GET1: variants seen among roughly 807,000 people sequenced by gnomAD.
GET1 encodes the protein congenital heart disease 5 protein.
Under a neutral mutation model 22.6 loss-of-function variants are expected in GET1, and 20 were observed. The observed-to-expected ratio is 0.89, with a 90% confidence interval of 0.62 to 1.29. The LOEUF is 1.29. Among genes scored for constraint, GET1 ranks in the 50% most tolerant of loss-of-function variants. The pLI is 0.00. For synonymous variants in GET1, 92 were observed against 83.8 expected (o/e 1.10, Z -0.53); for missense variants, 209 against 219.9 (o/e 0.95, Z 0.31).
intron 4 of GET1, 44 bp from the exon 5 acceptor site, chr21:39,396,822 G>C: frequency 2.6e-6 from 4 of 1,556,068 alleles, no homozygotes; most frequent in Non-Finnish European, 3.5e-6. Context: ...GATGGGGGCA[G>C]CACTGCTGGT....
At chr21:39,416,491 A>G (rs1178359697) in intron 1 of GET1, among the ~76,000 whole-genome samples, 1 of 152,118 alleles carries the variant, frequency 6.6e-6, no homozygotes, top group African/African-American at 2.4e-5. Context: ...CCAGACCTAG[A>G]ATTTTTTTAG....
intron 1 of GET1, among the ~76,000 whole-genome samples, chr21:39,427,163 C>T (rs1166230286): frequency 6.6e-6 from 1 of 152,150 alleles, no homozygotes; most frequent in Non-Finnish European, 1.5e-5. Context: ...CCTTTATTGT[C>T]CTCCTGTTGA....
intron 4 of GET1, among the ~76,000 whole-genome samples, chr21:39,396,602 G>A (rs1400770695): frequency 2.7e-5 from 4 of 150,190 alleles, no homozygotes; most frequent in Non-Finnish European, 4.4e-5. Flanking sequence ...CAGGAGAATC[G>A]CTTGAGCCCG....
chr21:39,423,095 C>CT, intron 1 of GET1: 1 of 1,613,956 alleles, frequency 6.2e-7, no homozygotes, highest in Non-Finnish European at 8.5e-7. Context: ...TGCAAGATAT[C>CT]TTTAGTCTTC....
At chr21:39,395,520 C>G (rs563223623) in intron 4 of GET1, among the ~76,000 whole-genome samples, 1 of 152,016 alleles carries the variant, frequency 6.6e-6, no homozygotes, top group Admixed American at 6.6e-5. Flanking sequence ...GCCCACCACA[C>G]GCCCGACTAG....
intron 4 of GET1, among the ~76,000 whole-genome samples, chr21:39,393,489 C>T (rs2038441389): frequency 6.6e-6 from 1 of 152,148 alleles, no homozygotes; most frequent in African/African-American, 2.4e-5. Flanking sequence ...TGTTAAGGAG[C>T]AAAGCTAGGA....
At chr21:39,398,052 AAC>A (rs1357334799), downstream of GET1, among the ~76,000 whole-genome samples, 1 of 152,156 alleles carries the variant, frequency 6.6e-6, no homozygotes, top group Non-Finnish European at 1.5e-5. Flanking sequence ...CACTTACTCA[AAC>A]ACACATGCAC....
chr21:39,386,753 A>G (rs1251555639), intron 1 of GET1, among the ~76,000 whole-genome samples: 7 of 152,330 alleles, frequency 4.6e-5, no homozygotes, highest in East Asian at 1.9e-4. Context: ...TTAGATTCAT[A>G]TTAAATCTTA....
At position 39,397,045 on chromosome 21, in the gene GET1, T is replaced by A; in HGVS notation, c.*106T>A. ...TTTTAAGAAACAAAAGTGCATAGTT[T>A]AGATTTTTTTTTTGTTGAATATGTT... On this transcript the variant is annotated 3_prime_UTR_variant, in exon 5 of 5. Coordinates refer to ENST00000649170, the MANE Select transcript of GET1 (RefSeq NM_004627.6). 1 of 1,249,618 alleles carries A rather than the reference T, an allele frequency of 8.0e-7. No individual in the cohort carries two copies. Among genetic ancestry groups the A allele is most frequent in the Non-Finnish European group, 1.1e-6 (1 of 886,554 alleles). 77.4% of individuals were successfully genotyped at this position (1,249,618 alleles called of 1,614,324 possible).
At chr21:39,383,340 G>A (rs1287659353) in intron 1 of GET1, among the ~76,000 whole-genome samples, 2 of 146,654 alleles carry the variant, frequency 1.4e-5, no homozygotes, top group Non-Finnish European at 3.0e-5. Flanking sequence ...GGAGTGCAAT[G>A]GCGCAATCTC....
At chr21:39,380,665 A>G in intron 1 of GET1, 179 bp downstream of exon 1, 1 of 1,416,286 alleles carries the variant, frequency 7.1e-7, no homozygotes, top group African/African-American at 1.4e-5. Flanking sequence ...CTTTACCCCA[A>G]AATCAGACTT....
At chr21:39,391,894 C>A (rs757537205) in intron 3 of GET1, 58 bp downstream of exon 3, 6 of 1,563,066 alleles carry the variant, frequency 3.8e-6, no homozygotes, top group Non-Finnish European at 5.3e-6. Context: ...GCCTCCAGAG[C>A]CGTGTCTGCA....
intron 1 of GET1, among the ~76,000 whole-genome samples, chr21:39,383,369 C>T (rs1019816875): frequency 2.0e-5 from 3 of 151,882 alleles, no homozygotes; most frequent in Non-Finnish European, 4.4e-5. Context: ...GCAACCTCTG[C>T]CCCCCGAGTT....
chr21:39,422,530 G>A (rs2073940553), intron 1 of GET1: 1 of 187,080 alleles, frequency 5.3e-6, no homozygotes, highest in Non-Finnish European at 1.1e-5. Flanking sequence ...CCAAAATGGT[G>A]AGGGAGAATA....
At position 39,420,522 on chromosome 21, in the gene GET1, C is replaced by CAA. The variant is rs397972848; in HGVS notation, c.*24-7692_*24-7691dup. On this transcript the variant is annotated intron_variant, in intron 1 of 1. Transcript: ENST00000478273. Reference sequence around the variant, plus strand: ...TGGGTGACAGAGCAAGATTCTATCTCAAAAAAAAAAAAAAAAAAAGATAAA... The same window carrying CAA: ...TGGGTGACAGAGCAAGATTCTATCTCAAAAAAAAAAAAAAAAAAAAAGATAAA... Among the ~76,000 whole-genome samples, 209 of 87,124 alleles carry CAA rather than the reference C, an allele frequency of 2.4e-3. 6 individuals carry two copies. The East Asian group carries it at 0.044, about 18-fold the overall frequency. 57.2% of individuals were successfully genotyped at this position (87,124 alleles called of 152,430 possible).
At chr21:39,392,873 C>CGCCGA in intron 3 of GET1, 1 of 293,170 alleles carries the variant, frequency 3.4e-6, no homozygotes, top group Non-Finnish European at 6.3e-6. Context: ...AGATTGTGTT[C>CGCCGA]ATCCTAAAAC....
At chr21:39,406,641 C>A, downstream of GET1, 1 of 1,511,026 alleles carries the variant, frequency 6.6e-7, no homozygotes, top group South Asian at 1.3e-5. Context: ...CAATTTAGTG[C>A]TGTTTAAAAT....
intron 3 of GET1, 104 bp downstream of exon 3, chr21:39,391,940 A>T (rs2038325813): frequency 9.0e-7 from 1 of 1,112,472 alleles, no homozygotes; most frequent in South Asian, 1.3e-5. Flanking sequence ...TTCCACCTTC[A>T]GCTGTCGTGT....
intron 3 of GET1, chr21:39,392,062 G>A: frequency 2.0e-6 from 1 of 511,272 alleles, no homozygotes; most frequent in South Asian, 2.5e-5. Flanking sequence ...TTGGCAGATG[G>A]ACTGTGAAGT....
Sources: allele counts gnomAD v4.1 joint callset (sites outside exome capture counted in the v4.1 genomes callset), GRCh38; gene constraint gnomAD v4.1.1; transcripts MANE v1.5; gene names NCBI Gene and HGNC (gene_info 2026-07-23, HGNC 2026-07-21).